DIAPH2: variants seen among roughly 807,000 people sequenced by gnomAD.
The protein encoded by DIAPH2 is protein diaphanous homolog 2.
Under a neutral mutation model 92.7 loss-of-function variants are expected in DIAPH2, and 35 were observed. That is an observed-to-expected ratio of 0.38 (90% CI 0.29 to 0.50). The LOEUF is 0.50. Among genes scored for constraint, DIAPH2 ranks in the 20% least tolerant of loss-of-function variants. The probability of loss-of-function intolerance (pLI) is 0.94; values close to 1 mark genes in which losing one functional copy is unlikely to be tolerated. For missense variants in DIAPH2, 701 were observed against 819.5 expected, an observed-to-expected ratio of 0.86 and a Z score of 1.77; for synonymous variants, 301 against 280.4, an observed-to-expected ratio of 1.07 and a Z score of -0.73.
intron 26 of DIAPH2, chrX:97,449,652 A>T (rs1213926581): frequency 1.3e-6 from 1 of 748,121 alleles, no homozygotes; most frequent in Non-Finnish European, 1.6e-6. Context: ...AATTCCTATT[A>T]TAATCCCAGG....
chrX:97,408,179 T>C (rs1209056947), intron 25 of DIAPH2, among the ~76,000 whole-genome samples: 1 of 111,525 alleles, frequency 9.0e-6, no homozygotes, highest in Non-Finnish European at 1.9e-5. Flanking sequence ...AAGCACCCTA[T>C]GCTTTATTGC....
At chrX:96,741,408 C>G (rs954661935) in intron 3 of DIAPH2, among the ~76,000 whole-genome samples, 3 of 108,927 alleles carry the variant, frequency 2.8e-5, no homozygotes, top group African/African-American at 1.0e-4. Flanking sequence ...CAAAACTGCT[C>G]TTATCAATGT....
chrX:96,894,165 G>A (rs2065326734), intron 5 of DIAPH2, among the ~76,000 whole-genome samples: 1 of 111,446 alleles, frequency 9.0e-6, no homozygotes, highest in African/African-American at 3.3e-5. Context: ...TGTTAGGTCA[G>A]TTCTGCAGCA....
chrX:97,158,642 C>A (rs1288654568), intron 22 of DIAPH2, among the ~76,000 whole-genome samples: 1 of 112,209 alleles, frequency 8.9e-6, no homozygotes, highest in African/African-American at 3.2e-5. Flanking sequence ...CTTTGACATT[C>A]GATGGAGGGA....
intron 23 of DIAPH2, among the ~76,000 whole-genome samples, chrX:97,277,008 A>C (rs2068457168): frequency 8.9e-6 from 1 of 112,422 alleles, no homozygotes; most frequent in South Asian, 3.7e-4. Flanking sequence ...TCATGTGATT[A>C]ACTGAAAATG....
chrX:96,979,815 A>T (rs1204210095), intron 17 of DIAPH2, among the ~76,000 whole-genome samples: 3 of 111,816 alleles, frequency 2.7e-5, no homozygotes, highest in Non-Finnish European at 5.6e-5. Context: ...GAAACAGGAA[A>T]TTTTCCCAGA....
At chrX:97,148,710 G>A (rs749014262) in intron 22 of DIAPH2, among the ~76,000 whole-genome samples, 1 of 111,213 alleles carries the variant, frequency 9.0e-6, no homozygotes, top group Admixed American at 9.6e-5. Context: ...TAAATTAATT[G>A]CATATCATTT....
At position 96,716,048 on chromosome X, in the gene DIAPH2, T is replaced by C. The variant is rs577066601; in HGVS notation, c.133-19710T>C. Among the ~76,000 whole-genome samples the C allele has an allele frequency of 1.7e-4, 19 of 111,136 alleles. No individual in the cohort carries two copies. In the East Asian group the frequency reaches 2.0e-3, roughly 12 times the overall value. On this transcript the variant is annotated intron_variant, in intron 1 of 26. Coordinates refer to ENST00000324765, the MANE Select transcript of DIAPH2 (RefSeq NM_006729.5). ...TCATCTGGTTAGGATAGAAAACTTA[T>C]TTTGCCTTAGTGTTAACACATCTCA...
chrX:97,275,409 A>G (rs78431967), intron 23 of DIAPH2, among the ~76,000 whole-genome samples: 6,570 of 96,083 alleles, frequency 0.068, 311 homozygotes, highest in African/African-American at 0.17. Flanking sequence ...GCGGCTGGCC[A>G]GGCGGGGGCT....
At chrX:97,300,737 C>T (rs1405442275) in intron 23 of DIAPH2, among the ~76,000 whole-genome samples, 4 of 86,623 alleles carry the variant, frequency 4.6e-5, no homozygotes, top group Non-Finnish European at 9.2e-5. Context: ...TTGAGACCAT[C>T]CTGGCTAACA....
chrX:97,477,660 G>A (rs1015833059), intron 26 of DIAPH2, among the ~76,000 whole-genome samples: 3 of 110,711 alleles, frequency 2.7e-5, no homozygotes, highest in Non-Finnish European at 3.8e-5. Flanking sequence ...GTGTATACAT[G>A]TATATATATA....
At chrX:97,295,817 C>T (rs2068638615) in intron 23 of DIAPH2, among the ~76,000 whole-genome samples, 4 of 108,624 alleles carry the variant, frequency 3.7e-5, no homozygotes, top group South Asian at 8.2e-4. Context: ...CTGCAACCTC[C>T]GCCTCTCAGG....
intron 25 of DIAPH2, among the ~76,000 whole-genome samples, chrX:97,385,839 G>A (rs755526980): frequency 5.6e-4 from 63 of 111,806 alleles, no homozygotes; most frequent in African/African-American, 1.9e-3. Context: ...AACCCTATTA[G>A]GAAAGTACTA....
intron 26 of DIAPH2, among the ~76,000 whole-genome samples, chrX:97,517,614 A>G (rs923855183): frequency 8.9e-6 from 1 of 112,573 alleles, no homozygotes; most frequent in Admixed American, 9.4e-5. Context: ...TTGTATTACT[A>G]ATAAAAATTT....
intron 9 of DIAPH2, among the ~76,000 whole-genome samples, chrX:96,925,696 A>G (rs1280118784): frequency 8.9e-6 from 1 of 111,822 alleles, no homozygotes. Context: ...ATGGCTTCCC[A>G]CAGTCTCCAG....
At chrX:97,316,012 A>G (rs1027098463) in intron 23 of DIAPH2, among the ~76,000 whole-genome samples, 1 of 111,547 alleles carries the variant, frequency 9.0e-6, no homozygotes, top group Non-Finnish European at 1.9e-5. Context: ...AAGTTTCTTT[A>G]TGTAATTTGG....
At chrX:97,493,475 G>A (rs749569440) in intron 26 of DIAPH2, among the ~76,000 whole-genome samples, 3 of 110,799 alleles carry the variant, frequency 2.7e-5, no homozygotes, top group African/African-American at 9.8e-5. Flanking sequence ...TAGTCAGGCT[G>A]GTCTCAAACT....
rs192856197 is a variant in DIAPH2 at position 96,876,749 on chromosome X, G to A, written c.448-4830G>A. ...CACAGGAAGGGCAACATCACACACC[G>A]GGGCCTGTTGTGGGGTTTGGGGAGG... is the stretch of plus-strand genomic sequence containing the variant. On this transcript the variant is annotated intron_variant, in intron 4 of 26. Transcript: ENST00000324765. Among the ~76,000 whole-genome samples the A allele has an allele frequency of 1.8e-3, 192 of 105,780 alleles. 1 individual carries two copies. The highest frequency in any genetic ancestry group is 9.8e-3 in the Middle Eastern group (2 of 204). The allele number at this position is 105,780 out of a possible 115,157, so 91.9% of individuals were successfully genotyped here. A position where few individuals can be genotyped will look rare whatever the true frequency, so the allele number is the denominator to read the frequency against.
chrX:97,103,501 G>A (rs1425991662), intron 20 of DIAPH2, among the ~76,000 whole-genome samples: 3 of 111,066 alleles, frequency 2.7e-5, no homozygotes, highest in Non-Finnish European at 3.8e-5. Flanking sequence ...AATAAGAAAG[G>A]CCCTTAAATC....
Sources: allele counts gnomAD v4.1 joint callset (sites outside exome capture counted in the v4.1 genomes callset), GRCh38; gene constraint gnomAD v4.1.1; transcripts MANE v1.5; gene names NCBI Gene and HGNC (gene_info 2026-07-23, HGNC 2026-07-21).